The following RBFOX1 variants were observed in gnomAD, a reference collection of about 807,000 sequenced individuals.
RBFOX1 encodes RNA binding protein fox-1 homolog 1.
Under a neutral mutation model 57.7 loss-of-function variants are expected in RBFOX1, and 8 were observed. That is an observed-to-expected ratio of 0.14 (90% CI 0.08 to 0.25). The LOEUF (loss-of-function observed/expected upper bound fraction) is 0.25, where lower values mean the gene tolerates loss of function less well. Ranked by LOEUF, RBFOX1 falls within the 10% of genes least tolerant of loss-of-function variation. RBFOX1 has a pLI of 1.00. For synonymous variants in RBFOX1, 326 were observed against 222.4 expected (o/e 1.47, Z -4.15); for missense variants, 611 against 548.5 (o/e 1.11, Z -1.14).
chr16:7,402,554 G>A (rs1029363559), intron 4 of RBFOX1, among the ~76,000 whole-genome samples: 1 of 152,168 alleles, frequency 6.6e-6, no homozygotes, highest in Non-Finnish European at 1.5e-5. Flanking sequence ...CAAAGTATGT[G>A]AACTTTGGTA....
At chr16:7,394,919 T>C (rs2098116830) in intron 4 of RBFOX1, among the ~76,000 whole-genome samples, 1 of 152,156 alleles carries the variant, frequency 6.6e-6, no homozygotes, top group African/African-American at 2.4e-5. Context: ...TGTGCATACA[T>C]AAATAAGGCT....
At chr16:7,266,125 C>T (rs928847304) in intron 4 of RBFOX1, among the ~76,000 whole-genome samples, 2 of 151,986 alleles carry the variant, frequency 1.3e-5, no homozygotes, top group Non-Finnish European at 2.9e-5. Flanking sequence ...CAGGCGCTCG[C>T]CAATACACCT....
chr16:6,648,404 C>T (rs75124754), intron 2 of RBFOX1, among the ~76,000 whole-genome samples: 14,798 of 151,994 alleles, frequency 0.097, 753 homozygotes, highest in African/African-American at 0.13. Context: ...TCCACGTTGA[C>T]TAGGAAGTTC....
chr16:5,604,465 C>A (rs992651342), downstream of RBFOX1, among the ~76,000 whole-genome samples: 1 of 152,178 alleles, frequency 6.6e-6, no homozygotes, highest in Admixed American at 6.5e-5. Context: ...AGGCCACCTA[C>A]GGTTCCCTGC....
At chr16:5,768,677 G>C (rs1284138402) in intron 3 of RBFOX1, among the ~76,000 whole-genome samples, 1 of 152,142 alleles carries the variant, frequency 6.6e-6, no homozygotes, top group Admixed American at 6.6e-5. Context: ...TCTGCCTGCT[G>C]GGGAGGAAGC....
chr16:5,868,006 C>G (rs918697798), intron 4 of RBFOX1, among the ~76,000 whole-genome samples: 1 of 151,736 alleles, frequency 6.6e-6, no homozygotes, highest in Non-Finnish European at 1.5e-5. Flanking sequence ...GCCACCATGC[C>G]CAGCCTGTTT....
chr16:5,939,388 G>A (rs773431542), intron 4 of RBFOX1, among the ~76,000 whole-genome samples: 1 of 152,234 alleles, frequency 6.6e-6, no homozygotes, highest in Non-Finnish European at 1.5e-5. Context: ...GGTCTGTCAT[G>A]AGTTTGCAGT....
At chr16:6,554,033 T>TATGAATGAATGAATGAATGAATGA (rs34641433) in intron 2 of RBFOX1, among the ~76,000 whole-genome samples, 2 of 151,806 alleles carry the variant, frequency 1.3e-5, no homozygotes, top group Admixed American at 6.6e-5. Context: ...GTTTTGAAAG[T>TATGAATGAATGAATGAATGAATGA]ATGAATGAAT....
chr16:7,237,857 A>T (rs2093849704), intron 4 of RBFOX1, among the ~76,000 whole-genome samples: 1 of 152,308 alleles, frequency 6.6e-6, no homozygotes, highest in African/African-American at 2.4e-5. Context: ...TAGAAAAATT[A>T]GCTGGACATG....
chr16:6,019,336 C>T lies in RBFOX1; in HGVS notation c.-783C>T, dbSNP rs2095024597. On this transcript the variant is annotated 5_prime_UTR_variant, in exon 1 of 16. Transcript: ENST00000550418. The surrounding 1 kb of genome is among the most constrained non-coding windows in gnomAD (Gnocchi z 4.2). ...GTCCCCGTGCGAGCCGCGCTGCCGC[C>T]GCCTCCTCCAGCCAGAGTCGGTGGG... The T allele has an allele frequency of 1.0e-6, 1 of 985,756 alleles. No homozygotes were observed. Among genetic ancestry groups the T allele is most frequent in the Non-Finnish European group, 1.2e-6 (1 of 830,308 alleles). 61.1% of individuals were successfully genotyped at this position (985,756 alleles called of 1,614,324 possible). A position where few individuals can be genotyped will look rare whatever the true frequency, so the allele number is the denominator to read the frequency against.
rs148368963 is a variant in RBFOX1, at chr16:5,945,007, AAG to A, written c.351+77680_351+77681del. ...AAAAAAAGAGAGAGAGAGAGAGAGA[AAG>A]AGAGAGAAAACCATTCTCACCTCCC... On this transcript the variant is annotated intron_variant, in intron 4 of 19. Transcript: ENST00000641259. Among the ~76,000 whole-genome samples the A allele has an allele frequency of 3.9e-3, 547 of 139,230 alleles. 3 individuals are homozygous for A. The highest frequency in any genetic ancestry group is 7.4e-3 in the Non-Finnish European group (469 of 63,264). 91.3% of individuals were successfully genotyped at this position (139,230 alleles called of 152,430 possible).
chr16:6,412,740 CACTT>C (rs1454263816), intron 2 of RBFOX1, among the ~76,000 whole-genome samples: 28 of 152,242 alleles, frequency 1.8e-4, no homozygotes, highest in African/African-American at 4.3e-4. Flanking sequence ...ACATGTGAAG[CACTT>C]ACTTAGTTGT....
intron 1 of RBFOX1, among the ~76,000 whole-genome samples, chr16:5,334,984 G>C (rs548496598): frequency 1.8e-4 from 28 of 152,100 alleles, no homozygotes; most frequent in Non-Finnish European, 3.1e-4. Context: ...AAGTAGACTT[G>C]TTTTTCTAGG....
At chr16:6,464,258 A>C (rs1010742826) in intron 2 of RBFOX1, among the ~76,000 whole-genome samples, 4 of 152,026 alleles carry the variant, frequency 2.6e-5, no homozygotes, top group Non-Finnish European at 5.9e-5. Context: ...TGAGTAAAAC[A>C]AAAAAAATCA....
At chr16:5,387,001 A>C (rs2066277054) in intron 1 of RBFOX1, among the ~76,000 whole-genome samples, 1 of 152,208 alleles carries the variant, frequency 6.6e-6, no homozygotes, top group Non-Finnish European at 1.5e-5. Flanking sequence ...CAGTGAGCCG[A>C]GATTGTGCCA....
At chr16:6,366,420 C>T (rs2089629016) in intron 2 of RBFOX1, among the ~76,000 whole-genome samples, 2 of 151,912 alleles carry the variant, frequency 1.3e-5, no homozygotes, top group Non-Finnish European at 2.9e-5. Context: ...ACATCATGTC[C>T]CCTACTTTTT....
intron 2 of RBFOX1, among the ~76,000 whole-genome samples, chr16:6,606,296 A>G (rs1047496562): frequency 6.6e-6 from 1 of 152,126 alleles, no homozygotes; most frequent in African/African-American, 2.4e-5. Context: ...TCTTCCTGGA[A>G]TTCATGTATC....
chr16:7,198,084 C>G (rs954954685), intron 4 of RBFOX1, among the ~76,000 whole-genome samples: 3 of 139,742 alleles, frequency 2.1e-5, no homozygotes, highest in African/African-American at 8.1e-5. Flanking sequence ...CGGCTCACTG[C>G]AAGCTCCACC....
Position 6,191,263 on chromosome 16 carries a change from C to T in RBFOX1, c.-126-125732C>T, listed in dbSNP as rs186029853. On this transcript the variant is annotated intron_variant, in intron 1 of 15. Coordinates refer to ENST00000550418, the MANE Select transcript of RBFOX1 (RefSeq NM_018723.4). ...CCTGAAAATGTTCTATAAATGAGTT[C>T]TGAATGTTGTCTTCTCCCTGTCATA... is the stretch of plus-strand genomic sequence containing the variant. 2.6e-5 allele frequency among the ~76,000 whole-genome samples: 4 copies of T among 150,976 alleles called. No individual in the cohort carries two copies. The East Asian group carries it at 7.9e-4, about 30-fold the overall frequency.
Sources: gnomAD v4.1 joint callset for allele counts (sites outside exome capture counted in the v4.1 genomes callset) on GRCh38, gnomAD v4.1.1 for gene constraint, Gnocchi (gnomAD v3.1) non-coding constraint, MANE v1.5 for transcripts, NCBI Gene and HGNC (gene_info 2026-07-23, HGNC 2026-07-21) for gene names.